Variants in DCAF11 observed in about 807,000 individuals in gnomAD.
The protein encoded by DCAF11 is DDB1- and CUL4-associated factor 11.
In DCAF11, 44 loss-of-function variants were observed where a neutral mutation model predicts 76.1. That is an observed-to-expected ratio of 0.58 (90% CI 0.45 to 0.74). The LOEUF (loss-of-function observed/expected upper bound fraction) is 0.74, where lower values mean the gene tolerates loss of function less well. DCAF11 is among the 30% of genes least tolerant of loss of function. The probability of loss-of-function intolerance (pLI) is 0.00; values close to 1 mark genes in which losing one functional copy is unlikely to be tolerated. For synonymous variants in DCAF11, 258 were observed against 255.0 expected, an observed-to-expected ratio of 1.01 and a Z score of -0.11; for missense variants, 604 against 709.4, an observed-to-expected ratio of 0.85 and a Z score of 1.69.
Position 24,117,968 on chromosome 14 carries a change from G to C in DCAF11, c.477-87G>C. On this transcript the variant is annotated intron_variant, in intron 5 of 14. Coordinates refer to ENST00000446197, the MANE Select transcript of DCAF11 (RefSeq NM_025230.5). The surrounding 1 kb of genome is among the most constrained non-coding windows in gnomAD (Gnocchi z 4.3). ...GCCAAAAGGGAAGAATGACTGTTCT[G>C]ATATTCCAGCTCTGTTAGGATTCTG... The C allele has an allele frequency of 9.7e-7, 1 of 1,027,144 alleles. No individual in the cohort carries two copies. Among genetic ancestry groups the C allele is most frequent in the Non-Finnish European group, 1.5e-6 (1 of 681,958 alleles). 63.6% of individuals were successfully genotyped at this position (1,027,144 alleles called of 1,614,324 possible). A position where few individuals can be genotyped will look rare whatever the true frequency, so the allele number is the denominator to read the frequency against.
rs112454085 is a variant in DCAF11, at chr14:24,117,060, C to T, written c.283+16C>T. ...AACCCACCTGGTAAGAGGAAAAGCC[C>T]CTAATGTTGGAAGACTTTTACTAGA... On this transcript the variant is annotated intron_variant, in intron 3 of 14. Transcript: ENST00000446197. The surrounding 1 kb of genome is among the most constrained non-coding windows in gnomAD (Gnocchi z 4.3). 6 of 1,613,994 alleles carry T rather than the reference C, an allele frequency of 3.7e-6. No homozygotes were observed. The highest frequency in any genetic ancestry group is 3.3e-5 in the South Asian group (3 of 91,036).
chr14:24,121,536 CAG>C lies in DCAF11; in HGVS notation c.1399+20_1399+21del, dbSNP rs769854919. ...GTGGTTGGTAAGGATTGTGTCAGAA[CAG>C]GGGGCCTCAGGAAGGGCAGGAATGA... On this transcript the variant is annotated intron_variant, in intron 13 of 14. Transcript: ENST00000446197. The C allele has an allele frequency of 4.3e-6, 7 of 1,612,184 alleles. No individual in the cohort carries two copies. Among genetic ancestry groups the C allele is most frequent in the East Asian group, 2.2e-5 (1 of 44,810 alleles).
intron 6 of DCAF11, 61 bp from the exon 7 acceptor site, chr14:24,118,327 C>G (rs963947029): frequency 1.2e-6 from 2 of 1,608,994 alleles, no homozygotes; most frequent in Middle Eastern, 1.7e-4. Flanking sequence ...TGGGAGATGT[C>G]TAATCTAGAA....
Position 24,115,422 on chromosome 14 carries a change from C to T in DCAF11, c.-173C>T, listed in dbSNP as rs2037527231. The T allele has an allele frequency of 6.9e-6, 6 of 869,036 alleles. No individual in the cohort carries two copies. Among genetic ancestry groups the T allele is most frequent in the African/African-American group, 1.7e-5 (1 of 58,582 alleles). 53.8% of individuals were successfully genotyped at this position (869,036 alleles called of 1,614,324 possible). A position where few individuals can be genotyped will look rare whatever the true frequency, so the allele number is the denominator to read the frequency against. On this transcript the variant is annotated 5_prime_UTR_variant, in exon 2 of 15. Transcript: ENST00000446197. ...GTGTTCCCGACGCCTTGGTAGTTGG[C>T]ATAGGCTAAAGAAAAGGGATCTCAG...
rs1008133397 is a variant in DCAF11 at position 24,124,257 on chromosome 14, T to C, written c.*948T>C. ...TCAGAAGCTTCCCTGCAAGTAGATA[T>C]CGAGAGAGCACACTTTCCATTAGAG... On this transcript the variant is annotated 3_prime_UTR_variant, in exon 15 of 15. Coordinates refer to ENST00000446197, the MANE Select transcript of DCAF11 (RefSeq NM_025230.5). 4 of 152,264 alleles carry C rather than the reference T, an allele frequency of 2.6e-5. No homozygotes were observed. The highest frequency in any genetic ancestry group is 1.3e-4 in the Admixed American group (2 of 15,284). The allele number at this position is 152,264 out of a possible 1,614,324, so 9.4% of individuals were successfully genotyped here.
In DCAF11 at chr14:24,115,118, G is replaced by C. The variant is rs1335532969; in HGVS notation, c.-389G>C. The C allele has an allele frequency of 1.5e-6, 1 of 663,906 alleles. No individual in the cohort carries two copies. Among genetic ancestry groups the C allele is most frequent in the South Asian group, 6.5e-5 (1 of 15,360 alleles). The allele number at this position is 663,906 out of a possible 1,614,324, so 41.1% of individuals were successfully genotyped here. A position where few individuals can be genotyped will look rare whatever the true frequency, so the allele number is the denominator to read the frequency against. On this transcript the variant is annotated 5_prime_UTR_variant, in exon 1 of 15. Coordinates refer to ENST00000446197, the MANE Select transcript of DCAF11 (RefSeq NM_025230.5). ...TTGTAAGGGGGCGCTCTGATTGGTCGATAAGGTGGGGGCGTCGAGGGTCTT... is the reference window on the plus strand; with the variant it reads ...TTGTAAGGGGGCGCTCTGATTGGTCCATAAGGTGGGGGCGTCGAGGGTCTT...
chr14:24,119,876 A>C lies in DCAF11; in HGVS notation c.1072A>C (p.Ile358Leu), dbSNP rs370628049. ...VGALAGHQDG[I>L]TFIDSKGDAR... ...TGCACTGGCTGGACACCAGGATGGC[A>C]TCACCTTCATTGACAGCAAGGTGGG... The change falls in exon 11 of 15, where the codon ATC becomes CTC. Residue 358 changes from isoleucine (I) to leucine (L), a missense_variant. Coordinates refer to ENST00000446197, the MANE Select transcript of DCAF11 (RefSeq NM_025230.5). The C allele has an allele frequency of 2.7e-5, 44 of 1,613,024 alleles. No individual in the cohort carries two copies. Among genetic ancestry groups the C allele is most frequent in the Non-Finnish European group, 3.2e-5 (38 of 1,179,504 alleles).
intron 9 of DCAF11, 46 bp from the exon 10 acceptor site, chr14:24,119,513 C>T (rs755447381): frequency 1.2e-6 from 2 of 1,611,462 alleles, no homozygotes; most frequent in Admixed American, 1.7e-5. Flanking sequence ...CACGTTGGTC[C>T]TCTCGATCAT....
rs1437279242 is a variant in DCAF11 at position 24,123,603 on chromosome 14, T to C, written c.*294T>C. On this transcript the variant is annotated 3_prime_UTR_variant, in exon 15 of 15. Coordinates refer to ENST00000446197, the MANE Select transcript of DCAF11 (RefSeq NM_025230.5). Reference sequence around the variant, plus strand: ...GCAAGAGAAGTGTCCTGGGTGTTTTTAATCATGTTTGAATGTTAGGGGTTG... The same window carrying C: ...GCAAGAGAAGTGTCCTGGGTGTTTTCAATCATGTTTGAATGTTAGGGGTTG... 5 of 352,272 alleles carry C rather than the reference T, an allele frequency of 1.4e-5. No individual in the cohort carries two copies. Among genetic ancestry groups the C allele is most frequent in the African/African-American group, 1.0e-4 (5 of 47,666 alleles). 21.8% of individuals were successfully genotyped at this position (352,272 alleles called of 1,614,324 possible).
chr14:24,115,759 C>A lies in DCAF11; in HGVS notation c.155+10C>A, dbSNP rs754740771. The stretch of plus-strand genomic sequence containing the variant: ...CCTATCTCCTCCGCAGGTAACTTAC[C>A]CTCTGGTGTGACCCCCAGCAGGTGC... On this transcript the variant is annotated intron_variant, in intron 2 of 14. Coordinates refer to ENST00000446197, the MANE Select transcript of DCAF11 (RefSeq NM_025230.5). The A allele has an allele frequency of 1.6e-5, 25 of 1,609,240 alleles. No individual in the cohort carries two copies. The highest frequency in any genetic ancestry group is 2.1e-5 in the Non-Finnish European group (25 of 1,177,474).
In DCAF11 at chr14:24,115,572, C is replaced by A; in HGVS notation, c.-23C>A. The A allele has an allele frequency of 1.9e-6, 3 of 1,603,538 alleles. No individual in the cohort carries two copies. The highest frequency in any genetic ancestry group is 1.7e-6 in the Non-Finnish European group (2 of 1,174,648). On this transcript the variant is annotated 5_prime_UTR_variant, in exon 2 of 15. Coordinates refer to ENST00000446197, the MANE Select transcript of DCAF11 (RefSeq NM_025230.5). ...TGACAGGAGGAGCCCCCGCACAGGA[C>A]CTAAGAATGCTGTGACCAGAAGATG...
In DCAF11 at chr14:24,123,430, C is replaced by G; in HGVS notation, c.*121C>G. 2 of 1,414,824 alleles carry G rather than the reference C, an allele frequency of 1.4e-6. No individual in the cohort carries two copies. Among genetic ancestry groups the G allele is most frequent in the Non-Finnish European group, 9.3e-7 (1 of 1,074,362 alleles). The allele number at this position is 1,414,824 out of a possible 1,614,324, so 87.6% of individuals were successfully genotyped here. A position where few individuals can be genotyped will look rare whatever the true frequency, so the allele number is the denominator to read the frequency against. ...GGCATTTGATGGGGAATAACATAAG[C>G]CTGGGCTCTGAGCCTCAGCTGAGCC... On this transcript the variant is annotated 3_prime_UTR_variant, in exon 15 of 15. Coordinates refer to ENST00000446197, the MANE Select transcript of DCAF11 (RefSeq NM_025230.5).
rs113382865 is a variant in DCAF11 at position 24,116,539 on chromosome 14, T to C, written c.156-378T>C. Among the ~76,000 whole-genome samples, 479 of 152,234 alleles carry C rather than the reference T, an allele frequency of 3.1e-3. 3 individuals are homozygous for C. Among genetic ancestry groups the C allele is most frequent in the African/African-American group, 0.011 (457 of 41,534 alleles). On this transcript the variant is annotated intron_variant, in intron 2 of 14. Transcript: ENST00000446197. Reference sequence around the variant, plus strand: ...ACCCAGCTTAGAATATTGTCTTCTGTGGTGGACTTCTCAGGCAGAGGCTCA... The same window carrying C: ...ACCCAGCTTAGAATATTGTCTTCTGCGGTGGACTTCTCAGGCAGAGGCTCA...
chr14:24,117,399 C>T lies in DCAF11; in HGVS notation c.411+6C>T. ...TTCCTCGAATGTTGCACCAGGTAGG[C>T]CTCTCCACCTCCCAGCCTGGCAGCA... is the stretch of plus-strand genomic sequence containing the variant. On this transcript the variant is annotated splice_donor_region_variant and intron_variant, in intron 4 of 14. Coordinates refer to ENST00000446197, the MANE Select transcript of DCAF11 (RefSeq NM_025230.5). This position sits in a 1 kb window ranked among gnomAD's most constrained non-coding sequence, Gnocchi z 4.3. 6.2e-7 allele frequency: 1 copy of T among 1,613,908 alleles called. No individual in the cohort carries two copies. The highest frequency in any genetic ancestry group is 2.2e-5 in the East Asian group (1 of 44,872).
At chr14:24,118,560 A>T in intron 7 of DCAF11, 26 bp downstream of exon 7, 2 of 1,608,034 alleles carry the variant, frequency 1.2e-6, no homozygotes, top group Non-Finnish European at 1.7e-6. Context: ...GCTTCCACTG[A>T]CTCTCCAGCC....
chr14:24,119,606 G>T lies in DCAF11; in HGVS notation c.896G>T (p.Arg299Leu), dbSNP rs771046627. The T allele has an allele frequency of 4.3e-6, 7 of 1,613,988 alleles. No individual in the cohort carries two copies. In the East Asian group the frequency reaches 1.3e-4, roughly 31 times the overall value. Residue 299 changes from arginine to leucine, a missense_variant, in exon 10 of 15, where the codon CGC (arginine) becomes CTC (leucine). By Grantham distance (102) the Arg-to-Leu change is moderately radical. Coordinates refer to ENST00000446197, the MANE Select transcript of DCAF11 (RefSeq NM_025230.5). ...GTCTTTGACCGAGAACAGAACCGGC[G>T]CACCCTTCAGGTATGGCTCCTGAGA... ...LYVFDREQNR[R>L]TLQIESHEDD...
chr14:24,121,193 C>T (rs1051532403), intron 12 of DCAF11, among the ~76,000 whole-genome samples, 172 bp from the exon 13 acceptor site: 4 of 152,158 alleles, frequency 2.6e-5, no homozygotes, highest in Non-Finnish European at 4.4e-5. Context: ...AATGATTAAC[C>T]GGCAGGGCCA....
intron 7 of DCAF11, 84 bp from the exon 8 acceptor site, chr14:24,118,666 C>G: frequency 7.5e-6 from 12 of 1,597,526 alleles, no homozygotes; most frequent in Non-Finnish European, 8.6e-6. Context: ...GTACCCTTGT[C>G]CCCTGTTTGA....
intron 11 of DCAF11, among the ~76,000 whole-genome samples, chr14:24,120,142 A>G (rs2037662111): frequency 6.6e-6 from 1 of 152,112 alleles, no homozygotes; most frequent in East Asian, 1.9e-4. Flanking sequence ...AGCGGCTCAC[A>G]CCTGTAATCC....
Sources: gnomAD v4.1 joint callset for allele counts (sites outside exome capture counted in the v4.1 genomes callset) on GRCh38, gnomAD v4.1.1 for gene constraint, Gnocchi (gnomAD v3.1) non-coding constraint, MANE v1.5 for transcripts, NCBI Gene and HGNC (gene_info 2026-07-23, HGNC 2026-07-21) for gene names.